NUBP1: variants seen among roughly 807,000 people sequenced by gnomAD.
The protein encoded by NUBP1 is NUBP iron-sulfur cluster assembly factor 1, cytosolic, also known as cytosolic Fe-S cluster assembly factor NUBP1.
A neutral mutation model predicts 41.8 loss-of-function variants in NUBP1; 46 were observed. The ratio of observed to expected loss-of-function variants is 1.10; its 90% confidence interval spans 0.87 to 1.41. NUBP1 has a LOEUF of 1.41. Among genes scored for constraint, NUBP1 ranks in the 40% most tolerant of loss-of-function variants. The pLI is 0.00. For synonymous variants in NUBP1, 189 were observed against 154.6 expected (o/e 1.22, Z -1.65); for missense variants, 494 against 414.0 (o/e 1.19, Z -1.68).
At position 10,765,509 on chromosome 16, in the gene NUBP1, A is replaced by C. The variant is rs2030745318; in HGVS notation, c.821-2440A>C. ...GGCGACAGAGCAAGAACCTGTCTCA[A>C]AAAAAAATTTAAAAATGGCATGCTT... On this transcript the variant is annotated intron_variant, in intron 9 of 10. Transcript: ENST00000283027. The surrounding 1 kb of genome is among the most constrained non-coding windows in gnomAD (Gnocchi z 4.0). Among the ~76,000 whole-genome samples, 1 of 151,996 alleles carries C rather than the reference A, an allele frequency of 6.6e-6. No homozygotes were observed. The highest frequency in any genetic ancestry group is 1.5e-5 in the Non-Finnish European group (1 of 68,006).
chr16:10,762,081 G>C (rs1425695478), intron 9 of NUBP1: 1 of 484,652 alleles, frequency 2.1e-6, no homozygotes, highest in Non-Finnish European at 3.7e-6. Flanking sequence ...CTCAGGCAGA[G>C]GGGTGAGGCC....
At position 10,769,029 on chromosome 16, in the gene NUBP1, T is replaced by C. The variant is rs369062540; in HGVS notation, c.905-18T>C. On this transcript the variant is annotated intron_variant, in intron 10 of 10. Transcript: ENST00000283027. ...AGACAAGCCATTAGCACTCTATGCC[T>C]GTCGTCTTGTTTTCCAGGAATCCAA... The C allele has an allele frequency of 9.3e-6, 15 of 1,613,474 alleles. No individual in the cohort carries two copies. Among genetic ancestry groups the C allele is most frequent in the Non-Finnish European group, 1.3e-5 (15 of 1,179,520 alleles).
At chr16:10,755,793 G>A in intron 5 of NUBP1, 40 bp downstream of exon 5, 2 of 1,599,276 alleles carry the variant, frequency 1.3e-6, no homozygotes, top group Non-Finnish European at 1.7e-6. Flanking sequence ...ACAGTAGTGT[G>A]TGGTTGTGTG....
intron 8 of NUBP1, 93 bp from the exon 9 acceptor site, chr16:10,761,664 C>CTTTT: frequency 1.1e-6 from 1 of 914,790 alleles, no homozygotes; most frequent in Non-Finnish European, 1.6e-6. Flanking sequence ...CAAACTAAGC[C>CTTTT]TTTTTTTTTT....
intron 3 of NUBP1, among the ~76,000 whole-genome samples, chr16:10,751,071 A>G (rs571060483): frequency 1.4e-4 from 22 of 152,210 alleles, no homozygotes; most frequent in Non-Finnish European, 2.2e-4. Context: ...TCTGGGTAGC[A>G]GGAGCTTGTC....
intron 2 of NUBP1, among the ~76,000 whole-genome samples, chr16:10,744,457 C>T (rs1157694314): frequency 6.6e-6 from 1 of 152,168 alleles, no homozygotes; most frequent in Non-Finnish European, 1.5e-5. Context: ...CCTGGCTCTG[C>T]CAGCTACTTT....
At chr16:10,751,128 T>G (rs1239611746) in intron 3 of NUBP1, among the ~76,000 whole-genome samples, 2 of 152,182 alleles carry the variant, frequency 1.3e-5, no homozygotes, top group Non-Finnish European at 2.9e-5. Context: ...GCGCTGGATC[T>G]GCTTCTCATA....
chr16:10,762,005 G>A, intron 9 of NUBP1, 146 bp downstream of exon 9: 1 of 629,164 alleles, frequency 1.6e-6, no homozygotes, highest in Non-Finnish European at 2.7e-6. Flanking sequence ...CCTCCAGCTG[G>A]CACCCCAAGA....
At chr16:10,744,253 G>T (rs572261292) in intron 2 of NUBP1, among the ~76,000 whole-genome samples, 188 bp downstream of exon 2, 1 of 152,200 alleles carries the variant, frequency 6.6e-6, no homozygotes, top group African/African-American at 2.4e-5. Flanking sequence ...GCGGAGCTTG[G>T]AATGACTGAC....
Position 10,768,689 on chromosome 16 carries a change from CA to C in NUBP1, c.905-357del. ...GCCACATTCAGCCAGTGGCAGCCAT[CA>C]GAGGCCCCAGAGTTAGGGCAGAGGT... On this transcript the variant is annotated intron_variant, in intron 10 of 10. Transcript: ENST00000283027. The surrounding 1 kb of genome is among the most constrained non-coding windows in gnomAD (Gnocchi z 4.3). The C allele has an allele frequency of 4.6e-6, 1 of 218,982 alleles. No homozygotes were observed. Among genetic ancestry groups the C allele is most frequent in the Non-Finnish European group, 8.9e-6 (1 of 112,932 alleles). 13.6% of individuals were successfully genotyped at this position (218,982 alleles called of 1,614,324 possible). A position where few individuals can be genotyped will look rare whatever the true frequency, so the allele number is the denominator to read the frequency against.
chr16:10,756,663 C>A, intron 5 of NUBP1, 27 bp from the exon 6 acceptor site: 1 of 1,506,678 alleles, frequency 6.6e-7, no homozygotes, highest in Non-Finnish European at 8.8e-7. Context: ...TAAAGCGTGT[C>A]TTGCCCTCAC....
In NUBP1 at chr16:10,749,179, G is replaced by A. The variant is rs1000780222; in HGVS notation, c.258+1903G>A. ...CACACACACACACACACGTTGATTC[G>A]TCATTCTGTGAGTCAGCGATCTCTT... is the stretch of plus-strand genomic sequence containing the variant. On this transcript the variant is annotated intron_variant, in intron 3 of 10. Transcript: ENST00000283027. This position sits in a 1 kb window ranked among gnomAD's most constrained non-coding sequence, Gnocchi z 4.1. Among the ~76,000 whole-genome samples, 6 of 143,188 alleles carry A rather than the reference G, an allele frequency of 4.2e-5. No homozygotes were observed. Among genetic ancestry groups the A allele is most frequent in the South Asian group, 2.2e-4 (1 of 4,648 alleles). 93.9% of individuals were successfully genotyped at this position (143,188 alleles called of 152,430 possible).
Position 10,747,196 on chromosome 16 carries a change from T to G in NUBP1, c.178T>G (p.Leu60Val), listed in dbSNP as rs1900102993. 6.2e-7 allele frequency: 1 copy of G among 1,614,078 alleles called. No individual in the cohort carries two copies. Among genetic ancestry groups the G allele is most frequent in the Non-Finnish European group, 8.5e-7 (1 of 1,180,044 alleles). ...MKTVKHKILVLSGKGGVGKST... is the reference protein window; with the variant it reads ...MKTVKHKILVVSGKGGVGKST... ...GACTGTAAAACACAAAATCTTGGTA[T>G]TGTCTGGGAAAGGCGGTGTTGGGAA... is the stretch of plus-strand genomic sequence containing the variant. Residue 60 changes from leucine (L) to valine (V), a missense_variant, in exon 3 of 11, where the codon TTG becomes GTG. By Grantham distance (32) the Leu-to-Val change is conservative. Transcript: ENST00000283027.
chr16:10,744,632 C>T (rs574172284), intron 2 of NUBP1, among the ~76,000 whole-genome samples: 2 of 152,270 alleles, frequency 1.3e-5, no homozygotes, highest in African/African-American at 4.8e-5. Flanking sequence ...AACACGTGAG[C>T]TAGCAACTAA....
At chr16:10,750,834 T>C (rs919360125) in intron 3 of NUBP1, among the ~76,000 whole-genome samples, 2 of 152,188 alleles carry the variant, frequency 1.3e-5, no homozygotes, top group Non-Finnish European at 2.9e-5. Context: ...AAGGAGACGC[T>C]TTGGGTCCCG....
chr16:10,762,713 G>C (rs2030153893), intron 9 of NUBP1, among the ~76,000 whole-genome samples: 1 of 152,108 alleles, frequency 6.6e-6, no homozygotes, highest in African/African-American at 2.4e-5. Context: ...CACTCCATTT[G>C]TCAGGGAACC....
At chr16:10,753,080 C>G (rs530660906) in intron 4 of NUBP1, among the ~76,000 whole-genome samples, 1 of 151,986 alleles carries the variant, frequency 6.6e-6, no homozygotes, top group Non-Finnish European at 1.5e-5. Context: ...AGGCGTGAGC[C>G]ACCGCACCTG....
intron 2 of NUBP1, among the ~76,000 whole-genome samples, chr16:10,744,669 G>A (rs1051179296): frequency 1.3e-5 from 2 of 152,218 alleles, no homozygotes; most frequent in Non-Finnish European, 2.9e-5. Flanking sequence ...GTGCTGTGAA[G>A]CACAGATTCC....
At chr16:10,752,034 T>C (rs1084548) in intron 3 of NUBP1, among the ~76,000 whole-genome samples, 75,693 of 152,092 alleles carry the variant, frequency 0.5, 21,264 homozygotes, top group African/African-American at 0.77. Context: ...TCCCAAAGTG[T>C]TGGGATTACA....
Sources: allele counts gnomAD v4.1 joint callset (sites outside exome capture counted in the v4.1 genomes callset), GRCh38; gene constraint gnomAD v4.1.1; non-coding constraint Gnocchi (gnomAD v3.1); transcripts MANE v1.5; gene names NCBI Gene and HGNC (gene_info 2026-07-23, HGNC 2026-07-21).